TMED3: variants seen among roughly 807,000 people sequenced by gnomAD.
TMED3 encodes transmembrane p24 trafficking protein 3.
Under a neutral mutation model 15.0 loss-of-function variants are expected in TMED3, and 9 were observed. The ratio of observed to expected loss-of-function variants is 0.60; its 90% confidence interval spans 0.36 to 1.04. The LOEUF is 1.04. TMED3 is among the 50% of genes least tolerant of loss of function. The pLI is 0.01. For synonymous variants in TMED3, 117 were observed against 121.4 expected (o/e 0.96, Z 0.24); for missense variants, 267 against 278.9 (o/e 0.96, Z 0.30).
chr15:79,313,356 A>G (rs543214764), intron 1 of TMED3, among the ~76,000 whole-genome samples: 10 of 152,324 alleles, frequency 6.6e-5, no homozygotes, highest in African/African-American at 2.4e-4. Flanking sequence ...ATAGTGCAAT[A>G]GGTAAATGTT....
chr15:79,408,554 A>C (rs1052693173), intron 2 of TMED3, among the ~76,000 whole-genome samples: 4 of 152,216 alleles, frequency 2.6e-5, no homozygotes, highest in Non-Finnish European at 5.9e-5. Context: ...GGGATGCCTA[A>C]ATGTGAGTGA....
chr15:79,372,414 C>T (rs1030474847), intron 2 of TMED3, among the ~76,000 whole-genome samples: 1 of 152,238 alleles, frequency 6.6e-6, no homozygotes, highest in Non-Finnish European at 1.5e-5. Context: ...TCCTCTCCCT[C>T]CCTGTATTAG....
At chr15:79,347,190 T>C (rs2058874298) in intron 2 of TMED3, among the ~76,000 whole-genome samples, 1 of 152,148 alleles carries the variant, frequency 6.6e-6, no homozygotes, top group African/African-American at 2.4e-5. Flanking sequence ...CATGATCAAG[T>C]AGGCTTTACC....
intron 2 of TMED3, among the ~76,000 whole-genome samples, chr15:79,401,977 A>C (rs55741842): frequency 0.033 from 5,012 of 152,204 alleles, 270 homozygotes; most frequent in African/African-American, 0.11. Context: ...GATGGAGGCG[A>C]GGGCAGGGAA....
intron 2 of TMED3, chr15:79,384,594 C>T (rs1459575668): frequency 6.6e-6 from 1 of 151,638 alleles, no homozygotes; most frequent in East Asian, 2.2e-4. Context: ...TCAAAAAGTT[C>T]CCCTCTTGTC....
intron 2 of TMED3, among the ~76,000 whole-genome samples, chr15:79,382,417 C>T (rs1049738072): frequency 3.3e-5 from 5 of 152,238 alleles, no homozygotes; most frequent in African/African-American, 1.2e-4. Flanking sequence ...CCTACCTTCT[C>T]TTGGCTGACA....
At chr15:79,353,302 A>ATATAATATATATTATATG (rs2058904143) in intron 2 of TMED3, among the ~76,000 whole-genome samples, 3 of 9,770 alleles carry the variant, frequency 3.1e-4, no homozygotes, top group Middle Eastern at 0.17. Context: ...TGTATATTAT[A>ATATAATATATATTATATG]TATATTATAT....
At chr15:79,393,959 A>G (rs1038017051) in intron 2 of TMED3, among the ~76,000 whole-genome samples, 1 of 151,648 alleles carries the variant, frequency 6.6e-6, no homozygotes, top group African/African-American at 2.4e-5. Context: ...TACCTCCCCA[A>G]ATGTTGGGAT....
In TMED3 at chr15:79,322,201, C is replaced by A. The variant is rs2058770824; in HGVS notation, c.641C>A (p.Ala214Glu). The A allele has an allele frequency of 6.2e-7, 1 of 1,613,208 alleles. No homozygotes were observed. Among genetic ancestry groups the A allele is most frequent in the Admixed American group, 1.7e-5 (1 of 59,930 alleles). Residue 214 changes from alanine to glutamate, a missense_variant, in exon 3 of 3, where the codon GCA becomes GAA. By Grantham distance (107) the Ala-to-Glu change is moderately radical. Around this residue, in one of 3 missense-constraint regions of TMED3, gnomAD observed 139 missense variants for 125.0 expected, o/e 1.11. Transcript: ENST00000299705. Reference protein sequence around the residue: ...FFTEKRPISRAVHS With the variant: ...FFTEKRPISREVHS ...ACAGAAAAACGACCCATCAGCAGGGCAGTCCACTCCTAGCCCCGGCATCCT... is the reference window on the plus strand; with the variant it reads ...ACAGAAAAACGACCCATCAGCAGGGAAGTCCACTCCTAGCCCCGGCATCCT...
exon 3 of TMED3, chr15:79,411,719 C>A (rs561670390): frequency 6.6e-5 from 34 of 511,710 alleles, no homozygotes; most frequent in Middle Eastern, 1.0e-3. Flanking sequence ...CCTTGACCAC[C>A]ACAGACACTT....
chr15:79,352,939 CATATATAATATATGTA>C (rs973547560), intron 2 of TMED3, among the ~76,000 whole-genome samples: 22 of 108,098 alleles, frequency 2.0e-4, no homozygotes, highest in Admixed American at 8.6e-4. Context: ...AATATATATA[CATATATAATATATGTA>C]ATATATAATA....
At chr15:79,374,000 G>A (rs937305168) in intron 2 of TMED3, among the ~76,000 whole-genome samples, 2 of 152,146 alleles carry the variant, frequency 1.3e-5, no homozygotes, top group Admixed American at 6.6e-5. Flanking sequence ...CAGGCAGCAA[G>A]GTTCAGTAAA....
chr15:79,375,512 C>T (rs567802139), intron 2 of TMED3, among the ~76,000 whole-genome samples: 187 of 152,188 alleles, frequency 1.2e-3, no homozygotes, highest in Non-Finnish European at 1.6e-3. Context: ...AATTGGCTCA[C>T]GGTTCTGCAG....
exon 3 of TMED3, chr15:79,411,654 G>T (rs1893982407): frequency 3.3e-6 from 2 of 602,662 alleles, no homozygotes; most frequent in Admixed American, 5.1e-5. Flanking sequence ...AGTTAAACTG[G>T]CAAGGAACAA....
At position 79,409,694 on chromosome 15, in the gene TMED3, T is replaced by C. The variant is rs552214460; in HGVS notation, c.418-1706T>C. On this transcript the variant is annotated intron_variant, in intron 2 of 2. Transcript: ENST00000424155. The stretch of plus-strand genomic sequence containing the variant: ...AATGTTTTCCTCAGCCTTCTGCTCT[T>C]ATTAGAAAGTTTTGGTTCGTATTGT... Among the ~76,000 whole-genome samples, 5 of 152,338 alleles carry C rather than the reference T, an allele frequency of 3.3e-5. No individual in the cohort carries two copies. In the South Asian group the frequency reaches 1.0e-3, roughly 32 times the overall value.
At chr15:79,364,927 C>G (rs939296323) in intron 2 of TMED3, among the ~76,000 whole-genome samples, 1 of 152,320 alleles carries the variant, frequency 6.6e-6, no homozygotes, top group East Asian at 1.9e-4. Flanking sequence ...AGGTGTCACA[C>G]CGGCCCTCTG....
At chr15:79,312,916 C>G (rs903308922) in intron 1 of TMED3, among the ~76,000 whole-genome samples, 2 of 152,146 alleles carry the variant, frequency 1.3e-5, no homozygotes, top group Admixed American at 6.5e-5. Context: ...AGCATGCATG[C>G]TCTAGGGTGG....
downstream of TMED3, among the ~76,000 whole-genome samples, chr15:79,327,122 C>T (rs1235021716): frequency 6.6e-6 from 1 of 152,156 alleles, no homozygotes; most frequent in Non-Finnish European, 1.5e-5. Flanking sequence ...GGATCTGCCC[C>T]CATGGCCCAA....
downstream of TMED3, among the ~76,000 whole-genome samples, chr15:79,325,936 T>A (rs1019157515): frequency 6.6e-6 from 1 of 152,140 alleles, no homozygotes; most frequent in Non-Finnish European, 1.5e-5. Context: ...CCCACCCACA[T>A]TGAGGGTAGG....
Sources: gnomAD v4.1 joint callset for allele counts (sites outside exome capture counted in the v4.1 genomes callset) on GRCh38, gnomAD v4.1.1 for gene constraint, gnomAD v4.1.1 regional missense constraint, MANE v1.5 for transcripts, NCBI Gene and HGNC (gene_info 2026-07-23, HGNC 2026-07-21) for gene names.